The following RAB5A variants were observed in gnomAD, a reference collection of about 807,000 sequenced individuals.
The protein encoded by RAB5A is ras-related protein Rab-5A.
Under a neutral mutation model 25.7 loss-of-function variants are expected in RAB5A, and 8 were observed. That is an observed-to-expected ratio of 0.31 (90% CI 0.18 to 0.56). RAB5A has a LOEUF of 0.56. Among genes scored for constraint, RAB5A ranks in the 20% least tolerant of loss-of-function variants. The pLI is 0.91. For missense variants in RAB5A, 192 were observed against 259.7 expected, an observed-to-expected ratio of 0.74 and a Z score of 1.79; for synonymous variants, 98 against 89.8, an observed-to-expected ratio of 1.09 and a Z score of -0.52.
chr3:19,973,425 A>G (rs951739710), intron 2 of RAB5A, among the ~76,000 whole-genome samples: 88 of 151,982 alleles, frequency 5.8e-4, no homozygotes, highest in African/African-American at 2.1e-3. Context: ...ACTTGAAAAA[A>G]GGCTTATGTA....
At position 19,965,669 on chromosome 3, in the gene RAB5A, C is replaced by T. The variant is rs75878363; in HGVS notation, c.164-9932C>T. ...TTCCCTGTGTATCATTAATATTCTT[C>T]AGGATTTTAAATTGTTTCACAACTA... On this transcript the variant is annotated intron_variant, in intron 2 of 5. Coordinates refer to ENST00000273047, the MANE Select transcript of RAB5A (RefSeq NM_004162.5). 1.7e-3 allele frequency among the ~76,000 whole-genome samples: 252 copies of T among 152,292 alleles called. 1 individual carries two copies. The highest frequency in any genetic ancestry group is 5.8e-3 in the African/African-American group (241 of 41,554).
chr3:19,975,577 C>G (rs1345273204), intron 2 of RAB5A, 24 bp from the exon 3 acceptor site: 24 of 1,604,024 alleles, frequency 1.5e-5, no homozygotes, highest in Non-Finnish European at 2.0e-5. Flanking sequence ...AAATGATTGA[C>G]TTATTGTAGT....
intron 2 of RAB5A, among the ~76,000 whole-genome samples, chr3:19,959,524 G>T (rs569490391): frequency 6.6e-6 from 1 of 151,646 alleles, no homozygotes; most frequent in Non-Finnish European, 1.5e-5. Context: ...GTTACATTCC[G>T]AGGAAATCTG....
chr3:19,981,942 C>A (rs1236578933), intron 5 of RAB5A, among the ~76,000 whole-genome samples: 2 of 151,946 alleles, frequency 1.3e-5, no homozygotes, highest in Non-Finnish European at 2.9e-5. Context: ...ATTCATCAGC[C>A]CATAAAAGGA....
At chr3:19,963,472 TA>T (rs1281753339) in intron 2 of RAB5A, among the ~76,000 whole-genome samples, 2 of 149,460 alleles carry the variant, frequency 1.3e-5, no homozygotes, top group Non-Finnish European at 3.0e-5. Flanking sequence ...AAAAGAATTC[TA>T]ATCTTCATCC....
intron 2 of RAB5A, among the ~76,000 whole-genome samples, chr3:19,969,044 G>GTT (rs746635502): frequency 0.28 from 17,979 of 65,196 alleles, 2,346 homozygotes; most frequent in Non-Finnish European, 0.35. Flanking sequence ...TTTTTTTTTT[G>GTT]GTTTTTTTTT....
At position 19,966,589 on chromosome 3, in the gene RAB5A, T is replaced by G. The variant is rs527872463; in HGVS notation, c.164-9012T>G. Among the ~76,000 whole-genome samples, 36 of 152,356 alleles carry G rather than the reference T, an allele frequency of 2.4e-4. 1 individual carries two copies. The highest frequency in any genetic ancestry group is 8.2e-4 in the African/African-American group (34 of 41,580). On this transcript the variant is annotated intron_variant, in intron 2 of 5. Coordinates refer to ENST00000273047, the MANE Select transcript of RAB5A (RefSeq NM_004162.5). ...TGCTGGATCATATGGTGATTCTATC[T>G]TTAATATATTTGAGAAATCTCTATA... is the stretch of plus-strand genomic sequence containing the variant.
At chr3:19,953,272 ATC>A (rs1696450370) in intron 2 of RAB5A, among the ~76,000 whole-genome samples, 2 of 152,212 alleles carry the variant, frequency 1.3e-5, no homozygotes, top group South Asian at 4.1e-4. Flanking sequence ...ATATGTGTGT[ATC>A]TCTATATAAT....
chr3:19,959,041 A>C (rs1326130025), intron 2 of RAB5A, among the ~76,000 whole-genome samples: 1 of 152,182 alleles, frequency 6.6e-6, no homozygotes, highest in Non-Finnish European at 1.5e-5. Flanking sequence ...GTTTTCTTAA[A>C]ATGTATTTCA....
At chr3:19,969,243 A>G (rs563894135) in intron 2 of RAB5A, among the ~76,000 whole-genome samples, 2 of 151,878 alleles carry the variant, frequency 1.3e-5, no homozygotes, top group East Asian at 1.9e-4. Context: ...ACAGGGTTTC[A>G]CCATGTTCCT....
In RAB5A at chr3:19,950,919, A is replaced by T; in HGVS notation, c.21A>T (p.Thr7=). 1 of 1,612,954 alleles carries T rather than the reference A, an allele frequency of 6.2e-7. No homozygotes were observed. The highest frequency in any genetic ancestry group is 1.8e-4 in the Middle Eastern group (1 of 5,604). The change falls in exon 2 of 6, where the codon ACA becomes ACT. Residue 7 remains threonine (T), a synonymous_variant. Transcript: ENST00000273047. MASRGA[T]RPNGPNTGNK... ...TGGACATGGCTAGTCGAGGCGCAAC[A>T]AGACCCAACGGGCCAAATACGGGAA... is the stretch of plus-strand genomic sequence containing the variant.
chr3:19,952,901 T>C (rs146188071), intron 2 of RAB5A, among the ~76,000 whole-genome samples: 151 of 152,194 alleles, frequency 9.9e-4, no homozygotes, highest in Admixed American at 2.0e-3. Context: ...AACTGTCCCA[T>C]CTAGTAGGAA....
chr3:19,969,359 A>G (rs768323417), intron 2 of RAB5A, among the ~76,000 whole-genome samples: 3 of 151,742 alleles, frequency 2.0e-5, no homozygotes, highest in Non-Finnish European at 2.9e-5. Context: ...TTATTTTTTC[A>G]TTATGCTAAT....
chr3:19,956,787 A>C (rs183930936), intron 2 of RAB5A, among the ~76,000 whole-genome samples: 213 of 152,298 alleles, frequency 1.4e-3, no homozygotes, highest in African/African-American at 4.5e-3. Context: ...TACAGTTACC[A>C]TCACCACTGT....
At chr3:19,966,673 T>C (rs1157613667) in intron 2 of RAB5A, among the ~76,000 whole-genome samples, 3 of 152,230 alleles carry the variant, frequency 2.0e-5, no homozygotes, top group Non-Finnish European at 4.4e-5. Context: ...ACCCACACTT[T>C]ACCTTTTTCT....
Position 19,957,447 on chromosome 3 carries a change from G to A in RAB5A, c.163+6386G>A, listed in dbSNP as rs148415639. ...TTTGGGAGGCCAAAGTGGTCAGATC[G>A]CTTGAGACCAGCCTGGCCAACATGG... On this transcript the variant is annotated intron_variant, in intron 2 of 5. Coordinates refer to ENST00000273047, the MANE Select transcript of RAB5A (RefSeq NM_004162.5). Among the ~76,000 whole-genome samples, 1,361 of 150,884 alleles carry A rather than the reference G, an allele frequency of 9.0e-3. 16 individuals are homozygous for A. Among genetic ancestry groups the A allele is most frequent in the African/African-American group, 0.032 (1,295 of 41,050 alleles).
chr3:19,971,680 G>A (rs574395475), intron 2 of RAB5A, among the ~76,000 whole-genome samples: 45 of 152,146 alleles, frequency 3.0e-4, no homozygotes, highest in African/African-American at 1.0e-3. Context: ...TCGCCATACC[G>A]GTCAGGCTGG....
At chr3:19,959,097 A>T (rs1466421875) in intron 2 of RAB5A, among the ~76,000 whole-genome samples, 1 of 152,170 alleles carries the variant, frequency 6.6e-6, no homozygotes, top group African/African-American at 2.4e-5. Context: ...TGCCGTGCTT[A>T]ATGTGTTGAT....
intron 4 of RAB5A, among the ~76,000 whole-genome samples, chr3:19,977,093 A>G (rs1273971705): frequency 6.7e-6 from 1 of 148,966 alleles, no homozygotes; most frequent in Non-Finnish European, 1.5e-5. Flanking sequence ...TTTTTTTAAG[A>G]TGGAGTCTTG....
Sources: gnomAD v4.1 joint callset for allele counts (sites outside exome capture counted in the v4.1 genomes callset) on GRCh38, gnomAD v4.1.1 for gene constraint, MANE v1.5 for transcripts, NCBI Gene and HGNC (gene_info 2026-07-23, HGNC 2026-07-21) for gene names.